JAZF1: variants seen among roughly 807,000 people sequenced by gnomAD.
JAZF1 encodes the protein JAZF zinc finger 1, also known as juxtaposed with another zinc finger protein 1.
A neutral mutation model predicts 26.4 loss-of-function variants in JAZF1; 8 were observed. The ratio of observed to expected loss-of-function variants is 0.30; its 90% confidence interval spans 0.18 to 0.55. The LOEUF (loss-of-function observed/expected upper bound fraction) is 0.55. Among genes scored for constraint, JAZF1 ranks in the 20% least tolerant of loss-of-function variants. JAZF1 has a pLI of 0.94. For missense variants in JAZF1, 199 were observed against 322.0 expected, an observed-to-expected ratio of 0.62 and a Z score of 2.92; for synonymous variants, 126 against 122.3, an observed-to-expected ratio of 1.03 and a Z score of -0.20.
In JAZF1 at chr7:27,832,773, T is replaced by G; in HGVS notation, c.*27A>C. The G allele has an allele frequency of 6.9e-7, 1 of 1,449,020 alleles. No homozygotes were observed. The allele number at this position is 1,449,020 out of a possible 1,614,324, so 89.8% of individuals were successfully genotyped here. On this transcript the variant is annotated 3_prime_UTR_variant, in exon 5 of 5. Transcript: ENST00000283928. ...CAAAATCAGCAACTGCTGGTGAGGA[T>G]TTCTTGGCACAGTTATGACCAGCAT...
intron 1 of JAZF1, among the ~76,000 whole-genome samples, chr7:28,060,226 T>C (rs1040515958): frequency 6.6e-6 from 1 of 152,252 alleles, no homozygotes. Flanking sequence ...TCCTTAGACA[T>C]ATTTTCAATC....
intron 2 of JAZF1, among the ~76,000 whole-genome samples, chr7:27,937,551 T>C (rs928033581): frequency 3.3e-5 from 5 of 152,212 alleles, no homozygotes; most frequent in African/African-American, 1.2e-4. Context: ...TAAGAGCATA[T>C]GTGCTAATTG....
chr7:28,116,320 CTG>C lies in JAZF1; in HGVS notation c.115+64141_115+64142del, dbSNP rs568797471. Among the ~76,000 whole-genome samples, 116 of 152,332 alleles carry C rather than the reference CTG, an allele frequency of 7.6e-4. 3 individuals are homozygous for C. The East Asian group carries it at 8.3e-3, about 11-fold the overall frequency. Reference sequence around the variant, plus strand: ...TGGTCAACAATTTCTAAGTGTCACACTGTAGAATTTTTGCCAATCTGATAAAG... The same window carrying C: ...TGGTCAACAATTTCTAAGTGTCACACTAGAATTTTTGCCAATCTGATAAAG... On this transcript the variant is annotated intron_variant, in intron 1 of 4. Coordinates refer to ENST00000283928, the MANE Select transcript of JAZF1 (RefSeq NM_175061.4).
At chr7:28,132,087 T>C (rs1379638606) in intron 1 of JAZF1, among the ~76,000 whole-genome samples, 1 of 152,216 alleles carries the variant, frequency 6.6e-6, no homozygotes, top group East Asian at 1.9e-4. Flanking sequence ...GAGAATATCA[T>C]TACATGTAAT....
At position 27,934,135 on chromosome 7, in the gene JAZF1, A is replaced by G. The variant is rs1412408814; in HGVS notation, c.189-38719T>C. On this transcript the variant is annotated intron_variant, in intron 2 of 4. Coordinates refer to ENST00000283928, the MANE Select transcript of JAZF1 (RefSeq NM_175061.4). ...GTTGAGCAACCAGTTCTCAGAAGCC[A>G]GTATGCTCATTTGTTAGTCAGGGTG... 2.6e-5 allele frequency among the ~76,000 whole-genome samples: 4 copies of G among 152,254 alleles called. No individual in the cohort carries two copies. In the East Asian group the frequency reaches 7.7e-4, roughly 29 times the overall value.
intron 1 of JAZF1, among the ~76,000 whole-genome samples, chr7:27,995,405 C>G (rs1038359774): frequency 6.6e-6 from 1 of 152,158 alleles, no homozygotes; most frequent in African/African-American, 2.4e-5. Flanking sequence ...TTTCATATCA[C>G]TAAGAAGTGA....
chr7:27,941,612 G>A (rs1490668760), intron 2 of JAZF1, among the ~76,000 whole-genome samples: 1 of 152,206 alleles, frequency 6.6e-6, no homozygotes, highest in Non-Finnish European at 1.5e-5. Context: ...CTTGGATGCT[G>A]ACTTCCCATA....
chr7:27,976,344 CAAAAAAAAAAAAAA>C (rs55992845), intron 2 of JAZF1, among the ~76,000 whole-genome samples: 43 of 80,468 alleles, frequency 5.3e-4, no homozygotes, highest in Admixed American at 1.4e-3. Flanking sequence ...GACTCCGTCT[CAAAAAAAAAAAAAA>C]AAAAAAAAAA....
At chr7:28,069,744 CT>C (rs1228462448) in intron 1 of JAZF1, among the ~76,000 whole-genome samples, 1 of 152,184 alleles carries the variant, frequency 6.6e-6, no homozygotes, top group African/African-American at 2.4e-5. Context: ...GTTTGGGGCG[CT>C]TTTTTCTCCT....
intron 2 of JAZF1, among the ~76,000 whole-genome samples, chr7:27,951,357 C>T (rs1281812635): frequency 6.6e-6 from 1 of 152,232 alleles, no homozygotes; most frequent in African/African-American, 2.4e-5. Flanking sequence ...GTACTATTAC[C>T]TTAAGAAATT....
chr7:27,997,183 G>A (rs894185214), intron 1 of JAZF1, among the ~76,000 whole-genome samples: 4 of 152,094 alleles, frequency 2.6e-5, no homozygotes, highest in African/African-American at 9.7e-5. Flanking sequence ...ACCCTGATAG[G>A]CCCCAGACTT....
intron 1 of JAZF1, among the ~76,000 whole-genome samples, chr7:28,179,906 G>A (rs1783610830): frequency 6.8e-6 from 1 of 146,012 alleles, no homozygotes; most frequent in Admixed American, 6.8e-5. Flanking sequence ...CCGCGGTGGA[G>A]CCACCCCCGC....
At chr7:27,972,022 C>A (rs1223240860) in intron 2 of JAZF1, among the ~76,000 whole-genome samples, 1 of 151,820 alleles carries the variant, frequency 6.6e-6, no homozygotes, top group Non-Finnish European at 1.5e-5. Flanking sequence ...TACTGTGTAA[C>A]AGTGTACAAC....
At chr7:28,020,263 G>A (rs1468089452) in intron 1 of JAZF1, among the ~76,000 whole-genome samples, 1 of 152,138 alleles carries the variant, frequency 6.6e-6, no homozygotes, top group Admixed American at 6.5e-5. Flanking sequence ...CACCAAAATG[G>A]GGGAATTCCT....
At chr7:28,117,219 T>C (rs1346491948) in intron 1 of JAZF1, among the ~76,000 whole-genome samples, 1 of 152,234 alleles carries the variant, frequency 6.6e-6, no homozygotes, top group East Asian at 1.9e-4. Flanking sequence ...TAAAAATACT[T>C]TATTTGAATT....
intron 2 of JAZF1, among the ~76,000 whole-genome samples, chr7:27,904,950 TTA>T (rs1221780463): frequency 6.6e-6 from 1 of 152,174 alleles, no homozygotes; most frequent in Non-Finnish European, 1.5e-5. Context: ...CCTTTTCTTT[TTA>T]AGACAGGGTC....
intron 1 of JAZF1, among the ~76,000 whole-genome samples, chr7:28,139,041 T>G (rs1478138511): frequency 1.3e-5 from 2 of 152,190 alleles, no homozygotes; most frequent in African/African-American, 4.8e-5. Context: ...TGCCCAGCAC[T>G]GAAGATCAGG....
At chr7:27,868,408 G>A (rs565506779) in intron 3 of JAZF1, among the ~76,000 whole-genome samples, 109 of 152,242 alleles carry the variant, frequency 7.2e-4, no homozygotes, top group Non-Finnish European at 1.1e-3. Flanking sequence ...TGCTTCTCCC[G>A]CTCCCATCCC....
chr7:27,897,157 C>T (rs974532236), intron 2 of JAZF1, among the ~76,000 whole-genome samples: 1 of 152,038 alleles, frequency 6.6e-6, no homozygotes, highest in Admixed American at 6.6e-5. Context: ...ATGCAGTGCG[C>T]CAGGGAGTGG....
Sources: gnomAD v4.1 joint callset for allele counts (sites outside exome capture counted in the v4.1 genomes callset) on GRCh38, gnomAD v4.1.1 for gene constraint, MANE v1.5 for transcripts, NCBI Gene and HGNC (gene_info 2026-07-23, HGNC 2026-07-21) for gene names.